The following SEC23A variants were observed in gnomAD, a reference collection of about 807,000 sequenced individuals.
SEC23A encodes SEC23 homolog A, COPII component.
A neutral mutation model predicts 103.7 loss-of-function variants in SEC23A; 56 were observed. That is an observed-to-expected ratio of 0.54 (90% CI 0.44 to 0.67). SEC23A has a LOEUF of 0.67. Among genes scored for constraint, SEC23A ranks in the 30% least tolerant of loss-of-function variants. The pLI, the probability that SEC23A is intolerant of heterozygous loss-of-function variation, is 0.00. For missense variants in SEC23A, 784 were observed against 936.4 expected (o/e 0.84, Z 2.12); for synonymous variants, 281 against 293.0 (o/e 0.96, Z 0.42).
chr14:39,077,227 CAAAAAAAAA>C (rs57549556), intron 7 of SEC23A, among the ~76,000 whole-genome samples: 31 of 36,480 alleles, frequency 8.5e-4, no homozygotes, highest in East Asian at 2.0e-3. Context: ...GACTCCATCT[CAAAAAAAAA>C]AAAAAAAAAA....
In SEC23A at chr14:39,085,977, C is replaced by T; in HGVS notation, c.684-71G>A. The T allele has an allele frequency of 2.2e-6, 3 of 1,349,310 alleles. No homozygotes were observed. In the South Asian group the frequency reaches 3.5e-5, roughly 16 times the overall value. The allele number at this position is 1,349,310 out of a possible 1,614,324, so 83.6% of individuals were successfully genotyped here. A position where few individuals can be genotyped will look rare whatever the true frequency, so the allele number is the denominator to read the frequency against. On this transcript the variant is annotated intron_variant, in intron 6 of 19. Transcript: ENST00000307712. Reference sequence around the variant, plus strand: ...GTGAGAGTTCGATAAACAAATTTCACTTTCCTAAAAATAGAAAACAACACT... The same window carrying T: ...GTGAGAGTTCGATAAACAAATTTCATTTTCCTAAAAATAGAAAACAACACT...
At chr14:39,081,229 A>T (rs1027915885) in intron 7 of SEC23A, among the ~76,000 whole-genome samples, 1 of 151,766 alleles carries the variant, frequency 6.6e-6, no homozygotes, top group Non-Finnish European at 1.5e-5. Context: ...AAACACACAC[A>T]CATCAAGGTA....
In SEC23A at chr14:39,067,299, G is replaced by A. The variant is rs1886702924; in HGVS notation, c.1104-3C>T. 1.2e-6 allele frequency: 2 copies of A among 1,613,118 alleles called. No homozygotes were observed. The highest frequency in any genetic ancestry group is 1.1e-5 in the South Asian group (1 of 91,070). On this transcript the variant is annotated splice_region_variant and splice_polypyrimidine_tract_variant and intron_variant, in intron 9 of 19. Coordinates refer to ENST00000307712, the MANE Select transcript of SEC23A (RefSeq NM_006364.4). ...AATCACCCATTACCATGTATCCTCT[G>A]CATGGAAAGAACAAAAAAACAACAT...
intron 15 of SEC23A, among the ~76,000 whole-genome samples, chr14:39,046,130 C>T (rs995788441): frequency 7.2e-5 from 11 of 152,058 alleles, no homozygotes; most frequent in Admixed American, 1.3e-4. Context: ...CTTCGCTTTC[C>T]GCCATGATTG....
chr14:39,085,896 G>T lies in SEC23A; in HGVS notation c.694C>A (p.Pro232Thr). 1 of 1,612,840 alleles carries T rather than the reference G, an allele frequency of 6.2e-7. No homozygotes were observed. Among genetic ancestry groups the T allele is most frequent in the Non-Finnish European group, 8.5e-7 (1 of 1,178,928 alleles). Residue 232 changes from proline (P) to threonine (T), a missense_variant, in exon 7 of 20, where the codon CCA becomes ACA. Around this residue, in one of 2 missense-constraint regions of SEC23A, gnomAD observed 683 missense variants for 774.2 expected, o/e 0.88. Transcript: ENST00000307712. ...QPPPSNRFLQ[P>T]VQKIDMNLTD... ...AGATTCATGTCTATTTTCTGTACTGGTTGTAAGAATCTAAGAAACAGAATT... is the reference window on the plus strand; with the variant it reads ...AGATTCATGTCTATTTTCTGTACTGTTTGTAAGAATCTAAGAAACAGAATT...
chr14:39,063,934 T>C (rs1475057864), intron 11 of SEC23A, among the ~76,000 whole-genome samples: 3 of 152,024 alleles, frequency 2.0e-5, no homozygotes, highest in Middle Eastern at 3.4e-3. Context: ...AGGCGGAGCT[T>C]GCAGTGAGCC....
In SEC23A at chr14:39,065,013, C is replaced by T. The variant is rs1457685678; in HGVS notation, c.1228-20G>A. ...TGAGGTCTGCAAAATAAGAATACAGCATGTTCGGTTTCCTCAAAGATACGT... is the reference window on the plus strand; with the variant it reads ...TGAGGTCTGCAAAATAAGAATACAGTATGTTCGGTTTCCTCAAAGATACGT... On this transcript the variant is annotated intron_variant, in intron 10 of 19. Coordinates refer to ENST00000307712, the MANE Select transcript of SEC23A (RefSeq NM_006364.4). 5.3e-6 allele frequency: 8 copies of T among 1,514,980 alleles called. No homozygotes were observed. Among genetic ancestry groups the T allele is most frequent in the African/African-American group, 2.7e-5 (2 of 73,124 alleles). The allele number at this position is 1,514,980 out of a possible 1,614,324, so 93.8% of individuals were successfully genotyped here.
At chr14:39,076,866 G>A (rs532838454) in intron 7 of SEC23A, among the ~76,000 whole-genome samples, 7 of 151,260 alleles carry the variant, frequency 4.6e-5, no homozygotes, top group East Asian at 2.0e-4. Context: ...GGTGGAGGTC[G>A]CAGTGAGCCA....
intron 7 of SEC23A, among the ~76,000 whole-genome samples, chr14:39,078,105 A>C (rs1887101579): frequency 6.6e-6 from 1 of 151,822 alleles, no homozygotes; most frequent in South Asian, 2.1e-4. Flanking sequence ...TAAATAACAA[A>C]ATCAGTTGGG....
chr14:39,041,078 T>C lies in SEC23A; in HGVS notation c.1987-191A>G. 3 of 573,046 alleles carry C rather than the reference T, an allele frequency of 5.2e-6. No individual in the cohort carries two copies. The South Asian group carries it at 9.2e-5, about 18-fold the overall frequency. 35.5% of individuals were successfully genotyped at this position (573,046 alleles called of 1,614,324 possible). A position where few individuals can be genotyped will look rare whatever the true frequency, so the allele number is the denominator to read the frequency against. ...AATAAATATAAAATTAGAATATTTC[T>C]TCTCCTTTAAAAGTAAAATGAAAGA... On this transcript the variant is annotated intron_variant, in intron 17 of 19. Coordinates refer to ENST00000307712, the MANE Select transcript of SEC23A (RefSeq NM_006364.4).
rs187860836 is a variant in SEC23A at position 39,080,329 on chromosome 14, G to T, written c.829-4236C>A. ...ACTAAAGAAAAGAAAAAAACCAAGA[G>T]AATGAAAATGAAATAAAGAAATAAA... On this transcript the variant is annotated intron_variant, in intron 7 of 19. Transcript: ENST00000307712. 3.9e-4 allele frequency among the ~76,000 whole-genome samples: 60 copies of T among 152,248 alleles called. No homozygotes were observed. The East Asian group carries it at 0.011, about 28-fold the overall frequency.
chr14:39,057,711 C>T (rs1386983170), intron 13 of SEC23A, among the ~76,000 whole-genome samples: 2 of 152,256 alleles, frequency 1.3e-5, no homozygotes, highest in African/African-American at 4.8e-5. Context: ...TATACGTGTG[C>T]CCACACACAT....
intron 19 of SEC23A, among the ~76,000 whole-genome samples, chr14:39,037,582 A>G (rs1471884815): frequency 1.3e-5 from 2 of 152,146 alleles, no homozygotes; most frequent in Admixed American, 1.3e-4. Context: ...ATGACATTTT[A>G]TTCCTAAATA....
rs1326109348 is a variant in SEC23A at position 39,094,391 on chromosome 14, CACACACATATATATATATATATAT to C, written c.222-1171_222-1148del. Among the ~76,000 whole-genome samples, 278 of 39,434 alleles carry C rather than the reference CACACACATATATATATATATATAT, an allele frequency of 7.0e-3. 26 individuals carry two copies. Among genetic ancestry groups the C allele is most frequent in the Non-Finnish European group, 9.2e-3 (185 of 20,130 alleles). The allele number at this position is 39,434 out of a possible 152,430, so 25.9% of individuals were successfully genotyped here. A position where few individuals can be genotyped will look rare whatever the true frequency, so the allele number is the denominator to read the frequency against. Reference sequence around the variant, plus strand: ...ATATATATACACACACACACACACACACACACATATATATATATATATATATATATATATATATATATATATATA... The same window carrying C: ...ATATATATACACACACACACACACACATATATATATATATATATATATATA... On this transcript the variant is annotated intron_variant, in intron 2 of 19. Transcript: ENST00000307712.
chr14:39,090,261 G>A (rs1004476268), intron 5 of SEC23A, among the ~76,000 whole-genome samples: 1 of 152,076 alleles, frequency 6.6e-6, no homozygotes, highest in African/African-American at 2.4e-5. Context: ...TCTCAACTAG[G>A]AGTTGCACCA....
intron 14 of SEC23A, 123 bp downstream of exon 14, chr14:39,055,020 T>C (rs1346843985): frequency 5.5e-6 from 6 of 1,090,100 alleles, no homozygotes; most frequent in African/African-American, 3.1e-5. Flanking sequence ...GTAATTTGAA[T>C]AGGAGTTTCT....
chr14:39,079,636 C>T (rs772234114), intron 7 of SEC23A, among the ~76,000 whole-genome samples: 17 of 151,924 alleles, frequency 1.1e-4, no homozygotes, highest in South Asian at 2.1e-4. Context: ...CCTGGCTAAG[C>T]ATGGTGAAAC....
intron 13 of SEC23A, 94 bp from the exon 14 acceptor site, chr14:39,055,390 A>C (rs1886207065): frequency 7.3e-7 from 1 of 1,363,044 alleles, no homozygotes; most frequent in Admixed American, 1.9e-5. Context: ...TAAAAGATAA[A>C]AGATACAGAA....
chr14:39,073,816 G>A (rs1017052777), intron 9 of SEC23A, among the ~76,000 whole-genome samples: 9 of 151,756 alleles, frequency 5.9e-5, no homozygotes, highest in African/African-American at 2.2e-4. Context: ...CACCATCTTG[G>A]CCAGGCTTGT....
Sources: gnomAD v4.1 joint callset for allele counts (sites outside exome capture counted in the v4.1 genomes callset) on GRCh38, gnomAD v4.1.1 for gene constraint, gnomAD v4.1.1 regional missense constraint, MANE v1.5 for transcripts, NCBI Gene and HGNC (gene_info 2026-07-23, HGNC 2026-07-21) for gene names.